Variants in CDK13 observed in about 807,000 individuals in gnomAD.
CDK13 encodes the protein cyclin-dependent kinase 13.
Under a neutral mutation model 137.6 loss-of-function variants are expected in CDK13, and 40 were observed. That is an observed-to-expected ratio of 0.29 (90% CI 0.23 to 0.38). The LOEUF (loss-of-function observed/expected upper bound fraction) is 0.38. Among genes scored for constraint, CDK13 ranks in the 10% least tolerant of loss-of-function variants. CDK13 has a pLI of 1.00. For missense variants in CDK13, 1,704 were observed against 1,951.8 expected (o/e 0.87, Z 2.39); for synonymous variants, 869 against 760.1 (o/e 1.14, Z -2.36).
chr7:39,982,143 C>G (rs1433536423), intron 1 of CDK13, among the ~76,000 whole-genome samples: 1 of 150,336 alleles, frequency 6.7e-6, no homozygotes, highest in Non-Finnish European at 1.5e-5. Context: ...TTAGGTATAT[C>G]TCCTAATGCT....
intron 5 of CDK13, among the ~76,000 whole-genome samples, chr7:40,042,232 C>T (rs1785622662): frequency 6.6e-6 from 1 of 151,938 alleles, no homozygotes; most frequent in African/African-American, 2.4e-5. Context: ...GCTTGTACCA[C>T]CAAGCCCAGC....
At chr7:40,086,486 G>A (rs1786790135) in intron 11 of CDK13, among the ~76,000 whole-genome samples, 1 of 152,144 alleles carries the variant, frequency 6.6e-6, no homozygotes, top group South Asian at 2.1e-4. Context: ...CAACAGTAAC[G>A]TTCCATTAAA....
intron 1 of CDK13, among the ~76,000 whole-genome samples, chr7:39,957,737 C>T (rs1004065967): frequency 6.6e-6 from 1 of 152,102 alleles, no homozygotes; most frequent in Non-Finnish European, 1.5e-5. Context: ...AAGATAAATT[C>T]TTGGTGCGTT....
At chr7:39,983,366 C>T (rs1784270278) in intron 1 of CDK13, among the ~76,000 whole-genome samples, 1 of 152,122 alleles carries the variant, frequency 6.6e-6, no homozygotes, top group African/African-American at 2.4e-5. Context: ...CGTGATCCGC[C>T]CACCTCAGCC....
chr7:39,972,317 A>G, intron 1 of CDK13, among the ~76,000 whole-genome samples: 1 of 152,268 alleles, frequency 6.6e-6, no homozygotes, highest in Middle Eastern at 3.2e-3. Context: ...TAAAAATAAC[A>G]TGTTTATTGA....
intron 1 of CDK13, among the ~76,000 whole-genome samples, chr7:39,987,386 A>C (rs1232915059): frequency 6.6e-6 from 1 of 152,188 alleles, no homozygotes; most frequent in African/African-American, 2.4e-5. Flanking sequence ...TGTAGACCAG[A>C]GCGAGATCAG....
intron 4 of CDK13, among the ~76,000 whole-genome samples, chr7:40,001,293 T>G (rs1784680568): frequency 6.6e-6 from 1 of 151,738 alleles, no homozygotes; most frequent in Non-Finnish European, 1.5e-5. Flanking sequence ...CGTGTCGTGA[T>G]CTTGGCTCAC....
rs1447742527 is a variant in CDK13, at chr7:40,093,979, A to G, written c.3689-151A>G. ...AGTAAAATTTACCAGTTACCATAGT[A>G]CTTGTAAACTTTTTGCTTTTTTCAT... On this transcript the variant is annotated intron_variant, in intron 13 of 13. Transcript: ENST00000181839. 5 of 784,202 alleles carry G rather than the reference A, an allele frequency of 6.4e-6. No homozygotes were observed. The East Asian group carries it at 1.4e-4, about 22-fold the overall frequency. The allele number at this position is 784,202 out of a possible 1,614,324, so 48.6% of individuals were successfully genotyped here.
At chr7:40,087,390 G>A (rs932061851) in intron 11 of CDK13, among the ~76,000 whole-genome samples, 2 of 151,898 alleles carry the variant, frequency 1.3e-5, no homozygotes, top group Non-Finnish European at 2.9e-5. Context: ...CAATCCTCCC[G>A]TCTTGGCCTC....
At position 40,045,858 on chromosome 7, in the gene CDK13, A is replaced by G. The variant is rs539649302; in HGVS notation, c.2376A>G (p.Glu792=). Residue 792 remains glutamate, a synonymous_variant, in exon 6 of 14, where the codon GAA becomes GAG. Transcript: ENST00000181839. ...KDKGAFYLVF[E]YMDHDLMGLL... ...TAGGTGCATTTTATCTGGTGTTTGA[A>G]TATATGGACCATGATCTGATGGGAC... 6 of 1,609,770 alleles carry G rather than the reference A, an allele frequency of 3.7e-6. No individual in the cohort carries two copies. In the East Asian group the frequency reaches 1.3e-4, roughly 36 times the overall value.
rs1451495497 is a variant in CDK13 at position 39,951,769 on chromosome 7, C to T, written c.1128C>T (p.Tyr376=). 1.3e-6 allele frequency: 2 copies of T among 1,482,506 alleles called. No individual in the cohort carries two copies. Among genetic ancestry groups the T allele is most frequent in the Non-Finnish European group, 1.8e-6 (2 of 1,129,272 alleles). 91.8% of individuals were successfully genotyped at this position (1,482,506 alleles called of 1,614,324 possible). The stretch of plus-strand genomic sequence containing the variant: ...CCAGCTACAGCCGCCACAGCTCCTA[C>T]GAGCGGGGCGGCGACGTGTCCCCTA... ...RSPSYSRHSS[Y]ERGGDVSPSP... The change falls in exon 1 of 14, where the codon TAC becomes TAT. Residue 376 remains tyrosine (Y), a synonymous_variant. Coordinates refer to ENST00000181839, the MANE Select transcript of CDK13 (RefSeq NM_003718.5).
At chr7:39,978,231 G>C (rs558779779) in intron 1 of CDK13, among the ~76,000 whole-genome samples, 13 of 152,308 alleles carry the variant, frequency 8.5e-5, no homozygotes, top group Non-Finnish European at 1.5e-4. Flanking sequence ...AGCCATAGAA[G>C]TAAGAAAATC....
chr7:40,065,736 A>G (rs1267870595), intron 9 of CDK13, among the ~76,000 whole-genome samples: 1 of 152,210 alleles, frequency 6.6e-6, no homozygotes, highest in Non-Finnish European at 1.5e-5. Context: ...CAGACAAACT[A>G]GACAAAAGCA....
At chr7:40,071,577 C>T (rs1339819888) in intron 9 of CDK13, 1 of 152,164 alleles carries the variant, frequency 6.6e-6, no homozygotes, top group African/African-American at 2.4e-5. Flanking sequence ...ATTGTTCTGT[C>T]TTACACTTTG....
chr7:39,964,350 G>A (rs1783819922), intron 1 of CDK13, among the ~76,000 whole-genome samples: 1 of 152,140 alleles, frequency 6.6e-6, no homozygotes, highest in Admixed American at 6.6e-5. Context: ...AGTCTTGGGA[G>A]GGTGTATGTG....
At chr7:40,029,778 G>A (rs973046763) in intron 5 of CDK13, among the ~76,000 whole-genome samples, 16 of 151,744 alleles carry the variant, frequency 1.1e-4, no homozygotes, top group Non-Finnish European at 1.6e-4. Context: ...TCAGCCTCCC[G>A]CGTAGCTGGG....
At chr7:40,026,282 G>T (rs1785239930) in intron 5 of CDK13, among the ~76,000 whole-genome samples, 1 of 152,252 alleles carries the variant, frequency 6.6e-6, no homozygotes, top group African/African-American at 2.4e-5. Flanking sequence ...GCCAAGGCAG[G>T]AGGATCTCTT....
intron 1 of CDK13, among the ~76,000 whole-genome samples, chr7:39,961,753 A>G (rs535894832): frequency 6.6e-6 from 1 of 152,126 alleles, no homozygotes; most frequent in East Asian, 1.9e-4. Flanking sequence ...ATCATTTAAC[A>G]TTAGGTATAT....
chr7:39,983,730 T>C (rs1046366695), intron 1 of CDK13, among the ~76,000 whole-genome samples: 1 of 152,182 alleles, frequency 6.6e-6, no homozygotes, highest in Non-Finnish European at 1.5e-5. Flanking sequence ...ACATGACGTA[T>C]ATCAGACTTG....
Sources: gnomAD v4.1 joint callset for allele counts (sites outside exome capture counted in the v4.1 genomes callset) on GRCh38, gnomAD v4.1.1 for gene constraint, MANE v1.5 for transcripts, NCBI Gene and HGNC (gene_info 2026-07-23, HGNC 2026-07-21) for gene names.